The following UFL1 variants were observed in gnomAD, a reference collection of about 807,000 sequenced individuals.
The protein encoded by UFL1 is UFM1 specific ligase 1, also known as E3 UFM1-protein ligase 1.
In UFL1, 78 loss-of-function variants were observed where a neutral mutation model predicts 99.3. That is an observed-to-expected ratio of 0.79 (90% CI 0.65 to 0.95). The LOEUF is 0.95. UFL1 is among the 40% of genes least tolerant of loss of function. The pLI, the probability that UFL1 is intolerant of heterozygous loss-of-function variation, is 0.00. For missense variants in UFL1, 936 were observed against 937.0 expected (o/e 1.00, Z 0.01); for synonymous variants, 335 against 322.2 (o/e 1.04, Z -0.42).
rs1229408433 is a variant in UFL1 at position 96,528,622 on chromosome 6, G to A, written c.586G>A (p.Ala196Thr). ...AGCACGTATCCGTGGACTATTCAGT[G>A]CTATTACCCGGTAAGTATATTTTAA... is the stretch of plus-strand genomic sequence containing the variant. ...HKARIRGLFS[A>T]ITRPTAVNSL... The change falls in exon 6 of 19, where the codon GCT becomes ACT. Residue 196 changes from alanine (A) to threonine (T), a missense_variant. By Grantham distance (58) the Ala-to-Thr change is moderately conservative. Coordinates refer to ENST00000369278, the MANE Select transcript of UFL1 (RefSeq NM_015323.5). 2.5e-6 allele frequency: 4 copies of A among 1,611,790 alleles called. No homozygotes were observed. The highest frequency in any genetic ancestry group is 1.3e-5 in the African/African-American group (1 of 74,774).
intron 15 of UFL1, among the ~76,000 whole-genome samples, chr6:96,550,320 C>A (rs1770060249): frequency 6.6e-6 from 1 of 151,860 alleles, no homozygotes; most frequent in Admixed American, 6.6e-5. Context: ...TCTCTTTCTT[C>A]TCTGTCCTCC....
intron 5 of UFL1, 52 bp from the exon 6 acceptor site, chr6:96,528,450 A>G (rs1769733015): frequency 1.3e-6 from 2 of 1,584,798 alleles, no homozygotes; most frequent in Non-Finnish European, 8.6e-7. Context: ...GCAAATGCAT[A>G]TGTGTAATTC....
chr6:96,548,342 AT>A, intron 13 of UFL1, 61 bp downstream of exon 13: 1 of 1,078,720 alleles, frequency 9.3e-7, no homozygotes, highest in Non-Finnish European at 1.3e-6. Flanking sequence ...ATTAAATAAG[AT>A]TTTTTCCAAG....
intron 16 of UFL1, 87 bp from the exon 17 acceptor site, chr6:96,551,751 G>T: frequency 1.1e-6 from 1 of 945,402 alleles, no homozygotes; most frequent in Non-Finnish European, 1.6e-6. Context: ...TATTTGGGAT[G>T]TAAAATTACA....
chr6:96,523,303 T>A lies in UFL1; in HGVS notation c.223+12T>A. ...ACATGTCCGAGGTGGTAGGTAATTC[T>A]TTAGTGTTTTTTTTTTTCTTGGATT... On this transcript the variant is annotated intron_variant, in intron 2 of 18. Transcript: ENST00000369278. The A allele has an allele frequency of 6.4e-7, 1 of 1,566,574 alleles. No homozygotes were observed. Among genetic ancestry groups the A allele is most frequent in the Non-Finnish European group, 8.6e-7 (1 of 1,162,522 alleles).
intron 18 of UFL1, among the ~76,000 whole-genome samples, 168 bp from the exon 19 acceptor site, chr6:96,553,117 A>G (rs1770105725): frequency 6.6e-6 from 1 of 151,982 alleles, no homozygotes; most frequent in Non-Finnish European, 1.5e-5. Context: ...TCTCTCCTAA[A>G]TTGTACACTC....
chr6:96,527,542 T>G (rs1004044819), intron 5 of UFL1, among the ~76,000 whole-genome samples: 1 of 152,164 alleles, frequency 6.6e-6, no homozygotes, highest in South Asian at 2.1e-4. Flanking sequence ...GAAAATGAGC[T>G]TCCCTAATTC....
chr6:96,543,020 G>C lies in UFL1; in HGVS notation c.1402+4G>C, dbSNP rs372045466. The stretch of plus-strand genomic sequence containing the variant: ...GAATCTCAATCATCCCACACTGGTA[G>C]GTAGCTTTTCTTTACTTTTCCTTGG... On this transcript the variant is annotated splice_donor_region_variant and intron_variant, in intron 12 of 18. Transcript: ENST00000369278. 47 of 1,585,352 alleles carry C rather than the reference G, an allele frequency of 3.0e-5. No individual in the cohort carries two copies. The highest frequency in any genetic ancestry group is 3.9e-5 in the Non-Finnish European group (46 of 1,166,496).
intron 17 of UFL1, 125 bp from the exon 18 acceptor site, chr6:96,552,357 A>C (rs1770093285): frequency 8.4e-6 from 9 of 1,074,972 alleles, no homozygotes; most frequent in Non-Finnish European, 1.2e-5. Context: ...TTGAAAAGTT[A>C]CCTTAAATTT....
rs1270869446 is a variant in UFL1, at chr6:96,554,703, C to T, written c.*1200C>T. ...ACGAAAAGATCAGTCTACCTCTACT[C>T]CATTCTAGACAAAGTATTAATCCTT... On this transcript the variant is annotated 3_prime_UTR_variant, in exon 19 of 19. Transcript: ENST00000369278. 6.6e-6 allele frequency: 1 copy of T among 152,444 alleles called. No individual in the cohort carries two copies. 9.4% of individuals were successfully genotyped at this position (152,444 alleles called of 1,614,324 possible).
At chr6:96,528,817 C>T (rs919705446) in intron 6 of UFL1, among the ~76,000 whole-genome samples, 185 bp downstream of exon 6, 1 of 152,114 alleles carries the variant, frequency 6.6e-6, no homozygotes, top group African/African-American at 2.4e-5. Context: ...AGAATGCAGC[C>T]TCTCTCTCCA....
At position 96,552,610 on chromosome 6, in the gene UFL1, CT is replaced by C; in HGVS notation, c.2115del (p.Gly706GlufsTer24). ...TCAACCCACAGCATGCTCCATGCAC[CT>C]GGAAGATGTGTCCCACAGATCATTG... Reference protein sequence around the residue: ...QFSTHSMLHAPGRCVPQIIAF... With the variant: ...QFSTHSMLHAXGRCVPQIIAF... On this transcript the variant is annotated frameshift_variant, in exon 18 of 19. Transcript: ENST00000369278. LOFTEE classifies it high-confidence loss of function. The C allele has an allele frequency of 6.2e-7, 1 of 1,612,016 alleles. No homozygotes were observed. The highest frequency in any genetic ancestry group is 8.5e-7 in the Non-Finnish European group (1 of 1,179,376).
At position 96,552,580 on chromosome 6, in the gene UFL1, A is replaced by G; in HGVS notation, c.2084A>G (p.Gln695Arg). 1 of 1,613,330 alleles carries G rather than the reference A, an allele frequency of 6.2e-7. No homozygotes were observed. Among genetic ancestry groups the G allele is most frequent in the Non-Finnish European group, 8.5e-7 (1 of 1,179,746 alleles). The change falls in exon 18 of 19, where the codon CAG (glutamine) becomes CGG (arginine). Residue 695 changes from glutamine to arginine, a missense_variant. By Grantham distance (43) the Gln-to-Arg change is conservative (BLOSUM62 1). Coordinates refer to ENST00000369278, the MANE Select transcript of UFL1 (RefSeq NM_015323.5). ...ILHLTSVLLF[Q>R]FSTHSMLHAP... ...CACCTCACATCAGTCCTGTTGTTTC[A>G]GTTTTCAACCCACAGCATGCTCCAT...
intron 12 of UFL1, among the ~76,000 whole-genome samples, chr6:96,547,581 A>G (rs754141839): frequency 1.3e-5 from 2 of 151,632 alleles, no homozygotes; most frequent in African/African-American, 2.4e-5. Flanking sequence ...GTGTCCACCA[A>G]TGATTGACTG....
Position 96,555,156 on chromosome 6 carries a change from T to TA in UFL1, c.*1654dup, listed in dbSNP as rs2127954466. The TA allele has an allele frequency of 6.6e-6, 1 of 152,378 alleles. No homozygotes were observed. Among genetic ancestry groups the TA allele is most frequent in the African/African-American group, 2.4e-5 (1 of 41,578 alleles). The allele number at this position is 152,378 out of a possible 1,614,324, so 9.4% of individuals were successfully genotyped here. On this transcript the variant is annotated 3_prime_UTR_variant, in exon 19 of 19. Coordinates refer to ENST00000369278, the MANE Select transcript of UFL1 (RefSeq NM_015323.5). ...GTTTTTATTGTTTTGTAAGTAAAAT[T>TA]ACGTAGCTGATTTTGTATGTAAAGA...
chr6:96,528,359 T>C (rs1769731832), intron 5 of UFL1, 143 bp from the exon 6 acceptor site: 2 of 952,276 alleles, frequency 2.1e-6, no homozygotes, highest in Non-Finnish European at 3.0e-6. Context: ...TTAGTTGATA[T>C]ATCTTGTAAT....
At chr6:96,550,790 A>T (rs1770067796) in intron 15 of UFL1, among the ~76,000 whole-genome samples, 1 of 151,976 alleles carries the variant, frequency 6.6e-6, no homozygotes, top group Non-Finnish European at 1.5e-5. Flanking sequence ...TTTAAGGGCC[A>T]CAGAAGGATT....
intron 12 of UFL1, among the ~76,000 whole-genome samples, chr6:96,546,583 T>C (rs570799246): frequency 6.6e-6 from 1 of 151,224 alleles, no homozygotes; most frequent in Admixed American, 6.6e-5. Flanking sequence ...AAAGAACAAA[T>C]ATGGAGGCAT....
chr6:96,524,495 TATC>T (rs1769672054), intron 3 of UFL1, 85 bp downstream of exon 3: 4 of 1,030,232 alleles, frequency 3.9e-6, no homozygotes, highest in East Asian at 2.8e-5. Flanking sequence ...CTAATGCTGG[TATC>T]ATATTTTGTG....
Sources: allele counts gnomAD v4.1 joint callset (sites outside exome capture counted in the v4.1 genomes callset), GRCh38; gene constraint gnomAD v4.1.1; transcripts MANE v1.5; gene names NCBI Gene and HGNC (gene_info 2026-07-23, HGNC 2026-07-21).